ARHGEF26: variants seen among roughly 807,000 people sequenced by gnomAD.
ARHGEF26 encodes the protein Rho guanine nucleotide exchange factor 26, also known as Rho guanine nucleotide exchange factor (GEF) 26.
In ARHGEF26, 59 loss-of-function variants were observed where a neutral mutation model predicts 89.4. The observed-to-expected ratio is 0.66, with a 90% confidence interval of 0.54 to 0.82. The LOEUF is 0.82. Among genes scored for constraint, ARHGEF26 ranks in the 40% least tolerant of loss-of-function variants. The probability of loss-of-function intolerance (pLI) is 0.00; values close to 1 mark genes in which losing one functional copy is unlikely to be tolerated. For synonymous variants in ARHGEF26, 500 were observed against 428.4 expected (o/e 1.17, Z -2.06); for missense variants, 1,234 against 1,085.6 (o/e 1.14, Z -1.92).
intron 12 of ARHGEF26, among the ~76,000 whole-genome samples, chr3:154,245,325 G>A (rs554032630): frequency 8.4e-4 from 128 of 152,238 alleles, no homozygotes; most frequent in African/African-American, 2.6e-3. Flanking sequence ...CATTGTGCCC[G>A]GCCTCAATCC....
At chr3:154,239,322 G>T (rs1320943436) in intron 11 of ARHGEF26, among the ~76,000 whole-genome samples, 1 of 149,164 alleles carries the variant, frequency 6.7e-6, no homozygotes. Flanking sequence ...GTGTGTGTGT[G>T]TGTGTGTGTG....
chr3:154,122,456 C>G lies in ARHGEF26; in HGVS notation c.464C>G (p.Pro155Arg), dbSNP rs751394343. The G allele has an allele frequency of 8.7e-6, 14 of 1,612,224 alleles. No individual in the cohort carries two copies. Among genetic ancestry groups the G allele is most frequent in the East Asian group, 2.2e-5 (1 of 44,834 alleles). Residue 155 changes from proline to arginine, a missense_variant, in exon 2 of 15, where the codon CCC (proline) becomes CGC (arginine). Coordinates refer to ENST00000465093, the MANE Select transcript of ARHGEF26 (RefSeq NM_015595.4). ...CCGCGGACTCCTAACGCGCCCGCCC[C>G]CTGCACCCCCGAGGAGGACCTTACT... ...RPPRTPNAPA[P>R]CTPEEDLTGL...
At chr3:154,199,804 G>A (rs13324859) in intron 9 of ARHGEF26, among the ~76,000 whole-genome samples, 28,533 of 151,970 alleles carry the variant, frequency 0.19, 2,964 homozygotes, top group South Asian at 0.34. Flanking sequence ...TTTGCATCTC[G>A]CTAATGATCA....
chr3:154,130,186 G>A (rs1308511814), intron 4 of ARHGEF26, among the ~76,000 whole-genome samples: 4 of 114,786 alleles, frequency 3.5e-5, no homozygotes, highest in African/African-American at 3.5e-5. Context: ...TTGCTCTGTC[G>A]CCCAGGCTGG....
intron 6 of ARHGEF26, among the ~76,000 whole-genome samples, chr3:154,181,684 A>G (rs971983310): frequency 6.6e-6 from 1 of 152,070 alleles, no homozygotes; most frequent in Non-Finnish European, 1.5e-5. Flanking sequence ...CTCAGATTGG[A>G]CTGGGTCTCT....
At chr3:154,192,040 G>T (rs950440953) in intron 8 of ARHGEF26, among the ~76,000 whole-genome samples, 4 of 152,216 alleles carry the variant, frequency 2.6e-5, no homozygotes, top group Non-Finnish European at 4.4e-5. Flanking sequence ...AGTACGTGCA[G>T]CTGGAAAGAC....
intron 6 of ARHGEF26, among the ~76,000 whole-genome samples, chr3:154,172,638 G>T (rs560692056): frequency 6.6e-6 from 1 of 152,302 alleles, no homozygotes; most frequent in East Asian, 1.9e-4. Context: ...AGGTTGCAGT[G>T]AGCCGAGATC....
intron 6 of ARHGEF26, among the ~76,000 whole-genome samples, chr3:154,179,600 A>G (rs1713058909): frequency 6.6e-6 from 1 of 152,166 alleles, no homozygotes; most frequent in Non-Finnish European, 1.5e-5. Flanking sequence ...TGTGTATTTT[A>G]TGTGTCTAGA....
Position 154,122,687 on chromosome 3 carries a change from C to A in ARHGEF26, c.695C>A (p.Ser232Tyr), listed in dbSNP as rs779763028. The change falls in exon 2 of 15, where the codon TCC becomes TAC. Residue 232 changes from serine (S) to tyrosine (Y), a missense_variant. Physicochemically the swap from Ser to Tyr is moderately radical, Grantham distance 144. Transcript: ENST00000465093. ...SQENELLENP[S>Y]VVLSTNSPAA... is the part of the protein sequence containing the mutation. ...GAGAACGAGCTCCTCGAGAATCCTT[C>A]CGTGGTTTTGAGTACAAACAGCCCC... The A allele has an allele frequency of 3.1e-6, 5 of 1,613,748 alleles. No homozygotes were observed. In the South Asian group the frequency reaches 5.5e-5, roughly 18 times the overall value.
chr3:154,174,392 A>G (rs1409397488), intron 6 of ARHGEF26, among the ~76,000 whole-genome samples: 1 of 152,218 alleles, frequency 6.6e-6, no homozygotes, highest in Admixed American at 6.5e-5. Flanking sequence ...GCTCCGAAGC[A>G]CACTGTGTTG....
At chr3:154,250,939 T>C (rs1006911478) in intron 12 of ARHGEF26, among the ~76,000 whole-genome samples, 2 of 149,254 alleles carry the variant, frequency 1.3e-5, no homozygotes, top group Non-Finnish European at 3.0e-5. Flanking sequence ...TACAGAACTA[T>C]TGTAAAGCCC....
At chr3:154,219,423 T>C (rs1715976222) in intron 10 of ARHGEF26, among the ~76,000 whole-genome samples, 3 of 151,884 alleles carry the variant, frequency 2.0e-5, no homozygotes, top group Non-Finnish European at 4.4e-5. Context: ...GATGAAACCC[T>C]GTCTCTACTA....
intron 6 of ARHGEF26, among the ~76,000 whole-genome samples, chr3:154,164,721 AGTT>A (rs1328323726): frequency 6.6e-6 from 1 of 152,148 alleles, no homozygotes; most frequent in East Asian, 1.9e-4. Flanking sequence ...CATCTGCTGA[AGTT>A]GTCCTGTGAT....
At chr3:154,187,995 AG>A (rs1435936251) in intron 7 of ARHGEF26, among the ~76,000 whole-genome samples, 158 bp downstream of exon 7, 1 of 152,094 alleles carries the variant, frequency 6.6e-6, no homozygotes, top group African/African-American at 2.4e-5. Context: ...TTTTAGGGTG[AG>A]GGTGTTTAAG....
At position 154,226,016 on chromosome 3, in the gene ARHGEF26, T is replaced by C; in HGVS notation, c.2090+6T>C. The C allele has an allele frequency of 6.2e-7, 1 of 1,607,438 alleles. No individual in the cohort carries two copies. The highest frequency in any genetic ancestry group is 1.3e-5 in the African/African-American group (1 of 74,646). ...ATTATCACCAAGAAGAAGAGGTAAG[T>C]CTTTATCTGGTGTTGCTGACTAGAC... On this transcript the variant is annotated splice_donor_region_variant and intron_variant, in intron 11 of 14. Transcript: ENST00000465093.
In ARHGEF26 at chr3:154,255,963, G is replaced by A. The variant is rs1020980325; in HGVS notation, c.*490G>A. 18 of 984,680 alleles carry A rather than the reference G, an allele frequency of 1.8e-5. No individual in the cohort carries two copies. Among genetic ancestry groups the A allele is most frequent in the South Asian group, 9.4e-5 (2 of 21,244 alleles). 61.0% of individuals were successfully genotyped at this position (984,680 alleles called of 1,614,324 possible). A position where few individuals can be genotyped will look rare whatever the true frequency, so the allele number is the denominator to read the frequency against. On this transcript the variant is annotated 3_prime_UTR_variant, in exon 15 of 15. Transcript: ENST00000465093. The stretch of plus-strand genomic sequence containing the variant: ...TTTTTACATCTGATTTTAATGCTTC[G>A]TTAACTTCAAAAGGAACTGGTAGAG...
chr3:154,253,810 AC>A (rs1718311256), intron 13 of ARHGEF26, among the ~76,000 whole-genome samples: 1 of 152,182 alleles, frequency 6.6e-6, no homozygotes, highest in South Asian at 2.1e-4. Flanking sequence ...TTAGAACAAA[AC>A]ATTGTTATCC....
chr3:154,135,356 A>G (rs1360591640), intron 4 of ARHGEF26, among the ~76,000 whole-genome samples: 2 of 151,994 alleles, frequency 1.3e-5, no homozygotes, highest in African/African-American at 4.8e-5. Context: ...TTTCTACTTT[A>G]TGTGCCTAGA....
chr3:154,229,886 T>C (rs1472689134), intron 11 of ARHGEF26, among the ~76,000 whole-genome samples: 1 of 152,180 alleles, frequency 6.6e-6, no homozygotes, highest in Non-Finnish European at 1.5e-5. Flanking sequence ...AGTAATTTAT[T>C]GTCAAGTTAT....
Sources: gnomAD v4.1 joint callset for allele counts (sites outside exome capture counted in the v4.1 genomes callset) on GRCh38, gnomAD v4.1.1 for gene constraint, MANE v1.5 for transcripts, NCBI Gene and HGNC (gene_info 2026-07-23, HGNC 2026-07-21) for gene names.